PIEZO2: variants seen among roughly 807,000 people sequenced by gnomAD.
The protein encoded by PIEZO2 is piezo-type mechanosensitive ion channel component 2.
Under a neutral mutation model 337.3 loss-of-function variants are expected in PIEZO2, and 172 were observed. The ratio of observed to expected loss-of-function variants is 0.51; its 90% CI spans 0.45 to 0.58. PIEZO2 has a LOEUF of 0.58. PIEZO2 is among the 20% of genes least tolerant of loss of function. The pLI is 0.00. For synonymous variants in PIEZO2, 1,251 were observed against 1,228.5 expected (o/e 1.02, Z -0.38); for missense variants, 3,028 against 3,391.3 (o/e 0.89, Z 2.66).
intron 4 of PIEZO2, among the ~76,000 whole-genome samples, chr18:10,907,361 T>C (rs1031280373): frequency 6.6e-6 from 1 of 151,564 alleles, no homozygotes; most frequent in African/African-American, 2.4e-5. Flanking sequence ...GAGAATCGCC[T>C]GAACCCGGGA....
At chr18:11,055,197 T>C (rs9953500) in intron 2 of PIEZO2, among the ~76,000 whole-genome samples, 8,518 of 110,966 alleles carry the variant, frequency 0.077, 798 homozygotes, top group African/African-American at 0.25. Flanking sequence ...GGCGAAAGAG[T>C]GAGACTCTGT....
Position 11,102,139 on chromosome 18 carries a change from G to A in PIEZO2, c.65-35917C>T, listed in dbSNP as rs1568374864. 2.6e-5 allele frequency among the ~76,000 whole-genome samples: 4 copies of A among 152,116 alleles called. No individual in the cohort carries two copies. The highest frequency in any genetic ancestry group is 6.5e-5 in the Admixed American group (1 of 15,282). ...AAACTAAGAAACAAAGAGACTGACC[G>A]TCTACCATGGTCCCTGGTTGAACAA... is the stretch of plus-strand genomic sequence containing the variant. On this transcript the variant is annotated intron_variant, in intron 1 of 55. Coordinates refer to ENST00000674853, the MANE Select transcript of PIEZO2 (RefSeq NM_001378183.1). This position sits in a 1 kb window ranked among gnomAD's most constrained non-coding sequence, Gnocchi z 5.7.
At position 10,858,770 on chromosome 18, in the gene PIEZO2, T is replaced by C. The variant is rs559520196; in HGVS notation, c.493-1559A>G. Among the ~76,000 whole-genome samples, 88 of 152,092 alleles carry C rather than the reference T, an allele frequency of 5.8e-4. 1 individual carries two copies. The highest frequency in any genetic ancestry group is 1.5e-4 in the Non-Finnish European group (10 of 68,014). On this transcript the variant is annotated intron_variant, in intron 5 of 55. Transcript: ENST00000674853. ...CACAGTGGGTGACTGGAGTTGACTA[T>C]TGATGAGCCAAGGCTACAGGATGCA...
intron 5 of PIEZO2, 137 bp from the exon 6 acceptor site, chr18:10,857,348 C>G: frequency 1.4e-6 from 1 of 708,452 alleles, no homozygotes; most frequent in South Asian, 1.9e-5. Context: ...ACAACCAGTT[C>G]ATTCCCCTCA....
Position 10,761,075 on chromosome 18 carries a change from C to G in PIEZO2, c.3286G>C (p.Val1096Leu). ...LLMLAILAFEVTIYRHQEYYR... is the reference protein window; with the variant it reads ...LLMLAILAFELTIYRHQEYYR... ...TATTCCTGATGGCGGTAAATGGTGA[C>G]TTCAAAGGCCAGGATAGCCAGCATC... The change falls in exon 24 of 56, where the codon GTC (valine) becomes CTC (leucine). Residue 1096 changes from valine (V) to leucine (L), a missense_variant. Val to Leu is a conservative substitution (Grantham distance 32). Transcript: ENST00000674853. The G allele has an allele frequency of 6.5e-7, 1 of 1,537,238 alleles. No individual in the cohort carries two copies. Among genetic ancestry groups the G allele is most frequent in the South Asian group, 1.2e-5 (1 of 84,064 alleles).
chr18:11,123,998 A>C (rs1025551936), intron 1 of PIEZO2, among the ~76,000 whole-genome samples: 5 of 152,240 alleles, frequency 3.3e-5, no homozygotes, highest in Non-Finnish European at 7.3e-5. Flanking sequence ...TCAACGATGT[A>C]TACTTACACT....
At position 10,825,550 on chromosome 18, in the gene PIEZO2, C is replaced by CTTTTT. The variant is rs57159292; in HGVS notation, c.918-18281_918-18277dup. Among the ~76,000 whole-genome samples the CTTTTT allele has an allele frequency of 2.8e-3, 324 of 113,800 alleles. 8 individuals are homozygous for CTTTTT. Among genetic ancestry groups the CTTTTT allele is most frequent in the Admixed American group, 0.015 (165 of 10,738 alleles). 74.7% of individuals were successfully genotyped at this position (113,800 alleles called of 152,430 possible). A position where few individuals can be genotyped will look rare whatever the true frequency, so the allele number is the denominator to read the frequency against. ...TTTTTCCACTTTCTTTCCTTTCTTC[C>CTTTTT]TTTTTTTTTTTTTTTTTTGAGACAG... is the stretch of plus-strand genomic sequence containing the variant. On this transcript the variant is annotated intron_variant, in intron 7 of 55. Coordinates refer to ENST00000674853, the MANE Select transcript of PIEZO2 (RefSeq NM_001378183.1).
chr18:11,017,724 A>G (rs192973767), intron 2 of PIEZO2, among the ~76,000 whole-genome samples: 86 of 152,318 alleles, frequency 5.6e-4, no homozygotes, highest in African/African-American at 2.0e-3. Flanking sequence ...CCGCATTGAT[A>G]GACTATTTTA....
rs765286180 is a variant in PIEZO2 at position 10,861,974 on chromosome 18, C to T, written c.493-4763G>A. Among the ~76,000 whole-genome samples the T allele has an allele frequency of 2.0e-4, 31 of 152,016 alleles. No homozygotes were observed. Among genetic ancestry groups the T allele is most frequent in the African/African-American group, 4.8e-4 (20 of 41,474 alleles). ...CAGAGGTCGCAGTGAGCCGAGATCA[C>T]GCCACTGCACTCCAGCCTAGGTGAC... On this transcript the variant is annotated intron_variant, in intron 5 of 55. Coordinates refer to ENST00000674853, the MANE Select transcript of PIEZO2 (RefSeq NM_001378183.1). The surrounding 1 kb of genome is among the most constrained non-coding windows in gnomAD (Gnocchi z 4.3).
chr18:10,809,953 A>G (rs2040135974), intron 7 of PIEZO2, among the ~76,000 whole-genome samples: 2 of 152,154 alleles, frequency 1.3e-5, no homozygotes, highest in South Asian at 4.1e-4. Flanking sequence ...CAATGACACA[A>G]TTACAGAGCA....
Position 10,886,374 on chromosome 18 carries a change from GTGTGTGTATA to G in PIEZO2, c.330-14969_330-14960del, listed in dbSNP as rs1379495497. Among the ~76,000 whole-genome samples the G allele has an allele frequency of 1.7e-3, 12 of 7,266 alleles. 1 individual carries two copies. Among genetic ancestry groups the G allele is most frequent in the Admixed American group, 2.1e-3 (1 of 478 alleles). 4.8% of individuals were successfully genotyped at this position (7,266 alleles called of 152,430 possible). A position where few individuals can be genotyped will look rare whatever the true frequency, so the allele number is the denominator to read the frequency against. On this transcript the variant is annotated intron_variant, in intron 4 of 55. Coordinates refer to ENST00000674853, the MANE Select transcript of PIEZO2 (RefSeq NM_001378183.1). The stretch of plus-strand genomic sequence containing the variant: ...CACACACACACACATATATATGTGT[GTGTGTGTATA>G]TATATATATATATATATATATATAT...
intron 5 of PIEZO2, among the ~76,000 whole-genome samples, chr18:10,867,179 G>A (rs2042028661): frequency 6.6e-6 from 1 of 152,168 alleles, no homozygotes. Flanking sequence ...TTGAAGAAAT[G>A]GGATCCAGGA....
intron 3 of PIEZO2, among the ~76,000 whole-genome samples, chr18:10,918,717 C>T (rs2031187346): frequency 6.6e-6 from 1 of 152,010 alleles, no homozygotes; most frequent in Non-Finnish European, 1.5e-5. Flanking sequence ...ATACAAAATA[C>T]AACCACTCTA....
intron 47 of PIEZO2, among the ~76,000 whole-genome samples, chr18:10,693,616 C>T (rs892761181): frequency 1.3e-4 from 19 of 151,522 alleles, no homozygotes; most frequent in African/African-American, 4.6e-4. Context: ...TCCACCTGGC[C>T]CAGCCTCCCA....
intron 4 of PIEZO2, among the ~76,000 whole-genome samples, chr18:10,889,202 C>G (rs1489173399): frequency 6.6e-6 from 1 of 152,194 alleles, no homozygotes; most frequent in Non-Finnish European, 1.5e-5. Context: ...CGGCTTTCAT[C>G]CTTCCCCAAG....
rs1329441462 is a variant in PIEZO2, at chr18:11,027,021, T to A, written c.160+39106A>T. ...AGCACTTATGTGTATGAGACAAGAC[T>A]CTGCCCAAAAGTATTTTATAAGCCA... is the stretch of plus-strand genomic sequence containing the variant. On this transcript the variant is annotated intron_variant, in intron 2 of 55. Coordinates refer to ENST00000674853, the MANE Select transcript of PIEZO2 (RefSeq NM_001378183.1). The surrounding 1 kb of genome is among the most constrained non-coding windows in gnomAD (Gnocchi z 4.2). Among the ~76,000 whole-genome samples, 1 of 152,232 alleles carries A rather than the reference T, an allele frequency of 6.6e-6. No individual in the cohort carries two copies. Among genetic ancestry groups the A allele is most frequent in the African/African-American group, 2.4e-5 (1 of 41,456 alleles).
In PIEZO2 at chr18:11,125,112, C is replaced by T. The variant is rs1205005272; in HGVS notation, c.64+23413G>A. ...CACATGTAAAATCTAGAGTCATACC[C>T]ATTTCACAGAGCATTTGCAAATATT... is the stretch of plus-strand genomic sequence containing the variant. On this transcript the variant is annotated intron_variant, in intron 1 of 55. Coordinates refer to ENST00000674853, the MANE Select transcript of PIEZO2 (RefSeq NM_001378183.1). This position sits in a 1 kb window ranked among gnomAD's most constrained non-coding sequence, Gnocchi z 4.4. 1.3e-5 allele frequency among the ~76,000 whole-genome samples: 2 copies of T among 151,920 alleles called. No individual in the cohort carries two copies. Among genetic ancestry groups the T allele is most frequent in the Admixed American group, 6.6e-5 (1 of 15,236 alleles).
rs1160575918 is a variant in PIEZO2 at position 10,758,039 on chromosome 18, C to A, written c.3853G>T (p.Glu1285Ter). The change falls in exon 27 of 56, where the codon GAG becomes TAG. Residue 1285 changes from glutamate (E) to a stop codon, truncating the protein, a stop_gained. Transcript: ENST00000674853. LOFTEE classifies it high-confidence loss of function. The part of the protein sequence containing the change: ...AVRIMAGDNV[E>*]ICMNLDAASF... ...GCCGCATCAAGGTTCATGCAGATCT[C>A]GACATTGTCACCTGCCATGATTCGC... The A allele has an allele frequency of 1.3e-6, 2 of 1,537,028 alleles. No individual in the cohort carries two copies. The highest frequency in any genetic ancestry group is 1.7e-6 in the Non-Finnish European group (2 of 1,146,792).
intron 2 of PIEZO2, among the ~76,000 whole-genome samples, chr18:11,065,516 A>G (rs1242346253): frequency 6.6e-6 from 1 of 152,236 alleles, no homozygotes; most frequent in Admixed American, 6.5e-5. Context: ...TATAGTCACC[A>G]CTTTATATTC....
Sources: allele counts gnomAD v4.1 joint callset (sites outside exome capture counted in the v4.1 genomes callset), GRCh38; gene constraint gnomAD v4.1.1; non-coding constraint Gnocchi (gnomAD v3.1); transcripts MANE v1.5; gene names NCBI Gene and HGNC (gene_info 2026-07-23, HGNC 2026-07-21).